The following TOGARAM2 variants were observed in gnomAD, a reference collection of about 807,000 sequenced individuals.
TOGARAM2 encodes the protein TOG array regulator of axonemal microtubules protein 2.
In TOGARAM2, 85 loss-of-function variants were observed where a neutral mutation model predicts 93.3. That is an observed-to-expected ratio of 0.91 (90% CI 0.76 to 1.09). The LOEUF is 1.09. Among genes scored for constraint, TOGARAM2 ranks in the 50% least tolerant of loss-of-function variants. TOGARAM2 has a pLI of 0.00. For synonymous variants in TOGARAM2, 593 were observed against 552.8 expected (o/e 1.07, Z -1.02); for missense variants, 1,277 against 1,334.5 (o/e 0.96, Z 0.67).
chr2:29,051,809 CT>C lies in TOGARAM2; in HGVS notation c.2778del (p.Ile928SerfsTer6). The C allele has an allele frequency of 6.4e-7, 1 of 1,559,390 alleles. No homozygotes were observed. The highest frequency in any genetic ancestry group is 2.4e-5 in the East Asian group (1 of 41,464). On this transcript the variant is annotated frameshift_variant, in exon 20 of 20. Coordinates refer to ENST00000379558, the MANE Select transcript of TOGARAM2 (RefSeq NM_199280.4). LOFTEE classifies it low-confidence loss of function (END_TRUNC). Reference protein sequence around the residue: ...RKPQAVERHVLPILWHFLNTA... With the variant: ...RKPQAVERHVXPILWHFLNTA... ...GCCTCAAGCTGTAGAGCGGCATGTC[CT>C]TCCCATCCTCTGGCACTTCCTGAAC...
In TOGARAM2 at chr2:29,002,557, G is replaced by T. The variant is rs1673363575; in HGVS notation, c.449G>T (p.Gly150Val). 1 of 1,613,496 alleles carries T rather than the reference G, an allele frequency of 6.2e-7. No individual in the cohort carries two copies. Residue 150 changes from glycine to valine, a missense_variant, in exon 5 of 20, where the codon GGC (glycine) becomes GTC (valine). Transcript: ENST00000379558. ...SSRASLDPGG[G>V]PQGVPLHSTI... The stretch of plus-strand genomic sequence containing the variant: ...ACAGCCTCTCTGGATCCAGGGGGAG[G>T]CCCCCAAGGAGTTCCCCTGCACAGC...
intron 1 of TOGARAM2, among the ~76,000 whole-genome samples, chr2:28,983,383 T>C (rs572192861): frequency 6.6e-6 from 1 of 151,814 alleles, no homozygotes; most frequent in East Asian, 1.9e-4. Flanking sequence ...AATTTTGTCT[T>C]TCTTTGAACT....
At chr2:28,985,333 T>TG (rs386389807) in intron 1 of TOGARAM2, among the ~76,000 whole-genome samples, 5 of 38,136 alleles carry the variant, frequency 1.3e-4, no homozygotes, top group African/African-American at 4.9e-4. Flanking sequence ...ATTGCTGGGG[T>TG]TTTTTTTTTG....
chr2:29,023,999 T>G, intron 12 of TOGARAM2, 140 bp from the exon 13 acceptor site: 1 of 658,746 alleles, frequency 1.5e-6, no homozygotes, highest in Non-Finnish European at 2.6e-6. Flanking sequence ...GCTGCAGGGT[T>G]TTTGTTTCCA....
intron 8 of TOGARAM2, 30 bp downstream of exon 8, chr2:29,014,591 G>A: frequency 6.4e-7 from 1 of 1,554,630 alleles, no homozygotes; most frequent in Non-Finnish European, 8.7e-7. Context: ...AGGAGGAAGT[G>A]GGGCTGGAGT....
At chr2:29,004,710 CTGAG>C (rs1272845861) in intron 6 of TOGARAM2, among the ~76,000 whole-genome samples, 2 of 150,270 alleles carry the variant, frequency 1.3e-5, no homozygotes, top group Non-Finnish European at 3.0e-5. Context: ...GTGTGTGTGT[CTGAG>C]TATGTGTATA....
chr2:29,007,564 C>T (rs1196484154), intron 6 of TOGARAM2, among the ~76,000 whole-genome samples: 4 of 152,134 alleles, frequency 2.6e-5, no homozygotes, highest in Admixed American at 2.0e-4. Flanking sequence ...CCTAATAGTG[C>T]CTAGCCAGTA....
upstream of TOGARAM2, among the ~76,000 whole-genome samples, chr2:28,980,465 T>C (rs1423065096): frequency 6.6e-6 from 1 of 152,226 alleles, no homozygotes; most frequent in East Asian, 1.9e-4. Context: ...GGAAAATTCA[T>C]AGTATCTTTG....
In TOGARAM2 at chr2:29,002,591, C is replaced by T; in HGVS notation, c.483C>T (p.Pro161=). The T allele has an allele frequency of 6.2e-7, 1 of 1,614,016 alleles. No homozygotes were observed. The highest frequency in any genetic ancestry group is 2.2e-5 in the East Asian group (1 of 44,890). The change falls in exon 5 of 20, where the codon CCC becomes CCT. Residue 161 remains proline (P), a synonymous_variant. Coordinates refer to ENST00000379558, the MANE Select transcript of TOGARAM2 (RefSeq NM_199280.4). ...PQGVPLHSTI[P]RATSQRLLRV... ...GAGTTCCCCTGCACAGCACCATCCC[C>T]CGAGCCACCTCTCAGAGGCTGCTGA... is the stretch of plus-strand genomic sequence containing the variant.
intron 18 of TOGARAM2, among the ~76,000 whole-genome samples, chr2:29,041,127 C>T (rs113186660): frequency 0.055 from 8,264 of 151,042 alleles, 701 homozygotes; most frequent in African/African-American, 0.18. Flanking sequence ...TGGGCTCAAG[C>T]GATGCTTCTG....
chr2:28,968,831 A>C (rs1443584644), intron 1 of TOGARAM2, among the ~76,000 whole-genome samples: 6 of 128,894 alleles, frequency 4.7e-5, no homozygotes, highest in African/African-American at 1.4e-4. Context: ...AAAAAAAAAA[A>C]AAAAAAAAAC....
At chr2:29,032,764 A>G (rs1328830562) in intron 14 of TOGARAM2, 170 bp from the exon 15 acceptor site, 3 of 582,334 alleles carry the variant, frequency 5.2e-6, no homozygotes, top group Non-Finnish European at 9.0e-6. Flanking sequence ...ATGGGATTAT[A>G]GATGATGTTT....
At chr2:29,000,448 G>T (rs1187600784) in intron 4 of TOGARAM2, among the ~76,000 whole-genome samples, 3 of 152,060 alleles carry the variant, frequency 2.0e-5, no homozygotes, top group African/African-American at 7.3e-5. Context: ...TGTTACTGTG[G>T]GGGTTTAATG....
chr2:29,046,363 C>T (rs915156444), intron 19 of TOGARAM2: 1 of 152,294 alleles, frequency 6.6e-6, no homozygotes, highest in Non-Finnish European at 1.5e-5. Context: ...ATCTTGGTTT[C>T]ATGATCATTT....
At chr2:29,035,710 C>T (rs1193535464) in intron 17 of TOGARAM2, 54 bp downstream of exon 17, 2 of 1,301,834 alleles carry the variant, frequency 1.5e-6, no homozygotes, top group East Asian at 5.9e-5. Context: ...GGGGGTGCAA[C>T]TTGAAGTTTG....
chr2:29,051,602 A>G (rs747297471), intron 19 of TOGARAM2, 154 bp from the exon 20 acceptor site: 118 of 560,970 alleles, frequency 2.1e-4, no homozygotes, highest in Non-Finnish European at 3.4e-4. Flanking sequence ...AGAAGCTAAC[A>G]CATTTTCATA....
chr2:29,008,417 C>T (rs755769634), intron 6 of TOGARAM2, among the ~76,000 whole-genome samples: 4 of 150,122 alleles, frequency 2.7e-5, no homozygotes, highest in Non-Finnish European at 5.9e-5. Flanking sequence ...TCCCAAAGTG[C>T]TGGGATTACA....
At chr2:29,024,045 T>G (rs1572733978) in intron 12 of TOGARAM2, 94 bp from the exon 13 acceptor site, 5 of 1,049,586 alleles carry the variant, frequency 4.8e-6, no homozygotes, top group African/African-American at 1.6e-5. Flanking sequence ...AGGGTGGGGG[T>G]GGAGGAAGAG....
At chr2:29,025,589 A>G (rs781177004) in intron 13 of TOGARAM2, among the ~76,000 whole-genome samples, 2 of 152,182 alleles carry the variant, frequency 1.3e-5, no homozygotes, top group Admixed American at 6.5e-5. Context: ...GCTGAAATGC[A>G]GATTCTGGTT....
Sources: allele counts gnomAD v4.1 joint callset (sites outside exome capture counted in the v4.1 genomes callset), GRCh38; gene constraint gnomAD v4.1.1; transcripts MANE v1.5; gene names NCBI Gene and HGNC (gene_info 2026-07-23, HGNC 2026-07-21).